PALLD: variants seen among roughly 807,000 people sequenced by gnomAD.
PALLD encodes palladin, cytoskeletal associated protein.
A neutral mutation model predicts 123.5 loss-of-function variants in PALLD; 61 were observed. That is an observed-to-expected ratio of 0.49 (90% CI 0.40 to 0.61). The LOEUF (loss-of-function observed/expected upper bound fraction) is 0.61. PALLD is among the 20% of genes least tolerant of loss of function. The pLI is 0.00. For synonymous variants in PALLD, 465 were observed against 496.4 expected, an observed-to-expected ratio of 0.94 and a Z score of 0.84; for missense variants, 1,273 against 1,377.0, an observed-to-expected ratio of 0.92 and a Z score of 1.20.
At chr4:168,843,775 G>A (rs112938089) in intron 10 of PALLD, among the ~76,000 whole-genome samples, 1 of 152,146 alleles carries the variant, frequency 6.6e-6, no homozygotes, top group East Asian at 1.9e-4. Context: ...TGTCAGCCAA[G>A]GATGGCAAGC....
intron 10 of PALLD, among the ~76,000 whole-genome samples, chr4:168,822,699 C>G (rs547216787): frequency 2.6e-5 from 4 of 152,156 alleles, no homozygotes; most frequent in Admixed American, 6.5e-5. Flanking sequence ...GATTGTTCAC[C>G]ATGGAGCTAT....
rs183999680 is a variant in PALLD at position 168,633,330 on chromosome 4, G to A, written c.909-34860G>A. Reference sequence around the variant, plus strand: ...GTTGTTATAGGGGTTACATGAAGATGTTATGAGCATGCATTTGAGCTTACC... The same window carrying A: ...GTTGTTATAGGGGTTACATGAAGATATTATGAGCATGCATTTGAGCTTACC... On this transcript the variant is annotated intron_variant, in intron 2 of 21. Transcript: ENST00000505667. Among the ~76,000 whole-genome samples the A allele has an allele frequency of 3.0e-3, 457 of 152,298 alleles. 3 individuals carry two copies. The highest frequency in any genetic ancestry group is 0.01 in the African/African-American group (428 of 41,544).
intron 10 of PALLD, among the ~76,000 whole-genome samples, chr4:168,802,600 GA>G (rs1320290653): frequency 3.3e-5 from 5 of 151,924 alleles, no homozygotes; most frequent in Admixed American, 2.6e-4. Flanking sequence ...GACATGGGTT[GA>G]AAAAATATTT....
chr4:168,589,843 C>G (rs1465993901), intron 2 of PALLD, among the ~76,000 whole-genome samples: 2 of 152,196 alleles, frequency 1.3e-5, no homozygotes, highest in African/African-American at 2.4e-5. Flanking sequence ...ACTGCTTTTC[C>G]TCTCATGATC....
At chr4:168,772,929 G>A (rs1178744473) in intron 10 of PALLD, among the ~76,000 whole-genome samples, 2 of 152,082 alleles carry the variant, frequency 1.3e-5, no homozygotes, top group Non-Finnish European at 1.5e-5. Context: ...AAAGACGGCT[G>A]CTCATGCTTG....
At chr4:168,818,333 C>T (rs959546001) in intron 10 of PALLD, among the ~76,000 whole-genome samples, 6 of 151,996 alleles carry the variant, frequency 3.9e-5, no homozygotes, top group Non-Finnish European at 7.4e-5. Flanking sequence ...TGTGCTGGCT[C>T]ACGCCTGTAA....
chr4:168,757,663 C>G (rs772932092), intron 10 of PALLD, among the ~76,000 whole-genome samples: 1 of 152,214 alleles, frequency 6.6e-6, no homozygotes, highest in Non-Finnish European at 1.5e-5. Context: ...GTATGTGACA[C>G]ATCACCTCTG....
At chr4:168,794,506 G>GCACA (rs57496563) in intron 10 of PALLD, among the ~76,000 whole-genome samples, 24,567 of 143,520 alleles carry the variant, frequency 0.17, 2,263 homozygotes, top group East Asian at 0.36. Flanking sequence ...ACACACACAC[G>GCACA]CACACACACA....
intron 1 of PALLD, among the ~76,000 whole-genome samples, chr4:168,503,458 C>G (rs938598855): frequency 6.6e-6 from 1 of 152,024 alleles, no homozygotes; most frequent in Non-Finnish European, 1.5e-5. Flanking sequence ...GACCATCCTG[C>G]TAACAAGGGG....
intron 3 of PALLD, among the ~76,000 whole-genome samples, chr4:168,669,800 GCACA>G (rs10637670): frequency 1.5e-4 from 22 of 147,930 alleles, no homozygotes; most frequent in Admixed American, 3.4e-4. Context: ...CTTACAAAAT[GCACA>G]CACACACACA....
At chr4:168,521,778 G>A (rs1256141303) in intron 2 of PALLD, among the ~76,000 whole-genome samples, 1 of 152,174 alleles carries the variant, frequency 6.6e-6, no homozygotes, top group Non-Finnish European at 1.5e-5. Context: ...TTGACTATTT[G>A]TTGAGTCCTA....
At chr4:168,721,546 G>A (rs1259027431) in intron 10 of PALLD, among the ~76,000 whole-genome samples, 1 of 152,088 alleles carries the variant, frequency 6.6e-6, no homozygotes, top group East Asian at 1.9e-4. Flanking sequence ...TTTGAGTGCT[G>A]GAAATTTGGG....
chr4:168,572,203 TG>T (rs1238176630), intron 2 of PALLD, among the ~76,000 whole-genome samples: 1 of 152,146 alleles, frequency 6.6e-6, no homozygotes, highest in Non-Finnish European at 1.5e-5. Flanking sequence ...CCTTAAGCAC[TG>T]CCTCATCACC....
At chr4:168,750,907 C>G (rs1025957621) in intron 10 of PALLD, among the ~76,000 whole-genome samples, 1 of 152,090 alleles carries the variant, frequency 6.6e-6, no homozygotes, top group Non-Finnish European at 1.5e-5. Flanking sequence ...TGATTTGTCT[C>G]TCTGTCTGGT....
At position 168,589,051 on chromosome 4, in the gene PALLD, C is replaced by T. The variant is rs370855826; in HGVS notation, c.908+76639C>T. Among the ~76,000 whole-genome samples the T allele has an allele frequency of 1.1e-4, 17 of 152,130 alleles. 1 individual carries two copies. In the South Asian group the frequency reaches 3.5e-3, roughly 32 times the overall value. On this transcript the variant is annotated intron_variant, in intron 2 of 21. Coordinates refer to ENST00000505667, the MANE Select transcript of PALLD (RefSeq NM_001166108.2). Reference sequence around the variant, plus strand: ...AACACTAGGTAATAGGACAACAGTCCCTAAAGTCAAGCGGGCTATTGTCAA... The same window carrying T: ...AACACTAGGTAATAGGACAACAGTCTCTAAAGTCAAGCGGGCTATTGTCAA...
intron 10 of PALLD, among the ~76,000 whole-genome samples, chr4:168,740,745 A>G (rs1255829998): frequency 6.6e-6 from 1 of 152,218 alleles, no homozygotes. Context: ...CAAGATTACC[A>G]CAACTGTACT....
chr4:168,526,659 T>G (rs1310965341), intron 2 of PALLD, among the ~76,000 whole-genome samples: 1 of 152,132 alleles, frequency 6.6e-6, no homozygotes, highest in African/African-American at 2.4e-5. Flanking sequence ...TCATCTGTGC[T>G]CAAAGCCAAT....
intron 10 of PALLD, among the ~76,000 whole-genome samples, chr4:168,882,641 G>A (rs1752766633): frequency 6.6e-6 from 1 of 152,142 alleles, no homozygotes; most frequent in Non-Finnish European, 1.5e-5. Context: ...ACCTGAAGGG[G>A]TTGGAGGTGT....
At chr4:168,624,786 T>C (rs1473917738) in intron 2 of PALLD, among the ~76,000 whole-genome samples, 1 of 152,150 alleles carries the variant, frequency 6.6e-6, no homozygotes, top group Non-Finnish European at 1.5e-5. Flanking sequence ...CTAGAAGATG[T>C]AATGAGAGAA....
Sources: gnomAD v4.1 joint callset for allele counts (sites outside exome capture counted in the v4.1 genomes callset) on GRCh38, gnomAD v4.1.1 for gene constraint, MANE v1.5 for transcripts, NCBI Gene and HGNC (gene_info 2026-07-23, HGNC 2026-07-21) for gene names.